Variants in GPRIN3 observed in about 807,000 individuals in gnomAD.
GPRIN3 encodes G protein-regulated inducer of neurite outgrowth 3.
GPRIN3 carries 12 observed loss-of-function variants against 13.7 expected under a neutral mutation model. The ratio of observed to expected loss-of-function variants is 0.87; its 90% CI spans 0.56 to 1.42. GPRIN3 has a LOEUF of 1.42. Ranked by LOEUF, GPRIN3 falls within the 40% of genes most tolerant of loss-of-function variation. The pLI is 0.00. For synonymous variants in GPRIN3, 377 were observed against 372.7 expected (o/e 1.01, Z -0.13); for missense variants, 1,009 against 958.7 (o/e 1.05, Z -0.69).
intron 1 of GPRIN3, among the ~76,000 whole-genome samples, chr4:89,279,544 C>T (rs1724187363): frequency 6.6e-6 from 1 of 152,238 alleles, no homozygotes; most frequent in Non-Finnish European, 1.5e-5. Flanking sequence ...CACAGTCACT[C>T]CCAAATCTAC....
rs544629845 is a variant in GPRIN3 at position 89,306,532 on chromosome 4, A to G, written c.-124+1083T>C. Among the ~76,000 whole-genome samples, 82 of 152,306 alleles carry G rather than the reference A, an allele frequency of 5.4e-4. 1 individual carries two copies. The highest frequency in any genetic ancestry group is 1.8e-3 in the African/African-American group (75 of 41,558). ...CAAAAACAAAATAAAAACATAGTCC[A>G]ATGGATCTTTAAACAAATGTGTTGT... On this transcript the variant is annotated intron_variant, in intron 1 of 1. Transcript: ENST00000609438.
chr4:89,295,256 G>A (rs564331648), intron 1 of GPRIN3, among the ~76,000 whole-genome samples: 3 of 152,150 alleles, frequency 2.0e-5, no homozygotes, highest in South Asian at 2.1e-4. Context: ...AATTTGTAAC[G>A]TGAGCCTTGA....
chr4:89,267,044 A>G (rs1009444493), intron 1 of GPRIN3, among the ~76,000 whole-genome samples: 1 of 152,196 alleles, frequency 6.6e-6, no homozygotes, highest in African/African-American at 2.4e-5. Context: ...TGGTTACCAT[A>G]GGGTGGGGTT....
At chr4:89,304,533 T>C (rs1363392600) in intron 1 of GPRIN3, among the ~76,000 whole-genome samples, 4 of 152,214 alleles carry the variant, frequency 2.6e-5, no homozygotes, top group Non-Finnish European at 4.4e-5. Context: ...CACAGTGTGC[T>C]AGTTTGAAAA....
chr4:89,242,134 T>G lies in GPRIN3; in HGVS notation c.*5646A>C, dbSNP rs551435399. 2 of 152,236 alleles carry G rather than the reference T, an allele frequency of 1.3e-5. No homozygotes were observed. The highest frequency in any genetic ancestry group is 2.9e-5 in the Non-Finnish European group (2 of 68,028). The allele number at this position is 152,236 out of a possible 1,614,324, so 9.4% of individuals were successfully genotyped here. A position where few individuals can be genotyped will look rare whatever the true frequency, so the allele number is the denominator to read the frequency against. On this transcript the variant is annotated 3_prime_UTR_variant, in exon 2 of 2. Transcript: ENST00000609438. Reference sequence around the variant, plus strand: ...ATCATCAATATCCTTTTCTAAAGTGTAAAATATGTGATTTTTATTCCTACT... The same window carrying G: ...ATCATCAATATCCTTTTCTAAAGTGGAAAATATGTGATTTTTATTCCTACT...
chr4:89,260,947 T>C (rs1388979783), intron 1 of GPRIN3, among the ~76,000 whole-genome samples: 1 of 152,216 alleles, frequency 6.6e-6, no homozygotes. Context: ...GACACACTTA[T>C]GTCTCTGAGG....
chr4:89,254,765 T>C (rs1163562759), intron 1 of GPRIN3, among the ~76,000 whole-genome samples: 1 of 152,198 alleles, frequency 6.6e-6, no homozygotes, highest in Non-Finnish European at 1.5e-5. Flanking sequence ...CTGGGTTGAA[T>C]GGTAGTTCTG....
Position 89,240,374 on chromosome 4 carries a change from C to A in GPRIN3, c.*7406G>T, listed in dbSNP as rs910926933. 6.6e-6 allele frequency: 1 copy of A among 152,098 alleles called. No homozygotes were observed. Among genetic ancestry groups the A allele is most frequent in the Non-Finnish European group, 1.5e-5 (1 of 68,012 alleles). 9.4% of individuals were successfully genotyped at this position (152,098 alleles called of 1,614,324 possible). On this transcript the variant is annotated 3_prime_UTR_variant, in exon 2 of 2. Transcript: ENST00000609438. ...AATTTTTTTTCATTTAAATCTTTGA[C>A]TTCTCTTCGGTGTTGGTAGGCATAG...
intron 1 of GPRIN3, among the ~76,000 whole-genome samples, chr4:89,286,852 C>A (rs1176596577): frequency 6.6e-6 from 1 of 152,082 alleles, no homozygotes; most frequent in Non-Finnish European, 1.5e-5. Context: ...CCAGCTGGAC[C>A]CAGTGGTATG....
rs1049515668 is a variant in GPRIN3 at position 89,249,973 on chromosome 4, G to A, written c.138C>T (p.Gly46=). 3.1e-6 allele frequency: 5 copies of A among 1,614,132 alleles called. No individual in the cohort carries two copies. Among genetic ancestry groups the A allele is most frequent in the African/African-American group, 1.3e-5 (1 of 74,956 alleles). ...CTGGTTCTGCAGGGGCACCTGAAAA[G>A]CCATTGGCATTCTTACACAGGAGAG... is the stretch of plus-strand genomic sequence containing the variant. ...RPALLCKNAN[G]FSGAPAEPDL... is the part of the protein sequence containing the mutation. The change falls in exon 2 of 2, where the codon GGC becomes GGT. Residue 46 remains glycine (G), a synonymous_variant. Transcript: ENST00000609438.
Position 89,249,862 on chromosome 4 carries a change from C to T in GPRIN3, c.249G>A (p.Val83=), listed in dbSNP as rs1723271222. 6.2e-7 allele frequency: 1 copy of T among 1,614,190 alleles called. No homozygotes were observed. Among genetic ancestry groups the T allele is most frequent in the East Asian group, 2.2e-5 (1 of 44,884 alleles). The stretch of plus-strand genomic sequence containing the variant: ...CAGGTGCTTTCTGCACTTCATTGAA[C>T]ACACCAGGAGAAGACATATCTGGTT... ...TTQPDMSSPG[V]FNEVQKAPAT... Residue 83 remains valine, a synonymous_variant, in exon 2 of 2, where the codon GTG becomes GTA. Coordinates refer to ENST00000609438, the MANE Select transcript of GPRIN3 (RefSeq NM_198281.3).
intron 1 of GPRIN3, among the ~76,000 whole-genome samples, chr4:89,264,838 A>G (rs1723739979): frequency 6.6e-6 from 1 of 152,140 alleles, no homozygotes; most frequent in Non-Finnish European, 1.5e-5. Flanking sequence ...CACCTAAAAT[A>G]CCAAAACATT....
intron 1 of GPRIN3, among the ~76,000 whole-genome samples, chr4:89,255,231 T>C (rs1723435090): frequency 2.0e-5 from 3 of 152,172 alleles, no homozygotes; most frequent in Non-Finnish European, 4.4e-5. Flanking sequence ...CTTGGGCAAG[T>C]AACTCAACCT....
In GPRIN3 at chr4:89,248,759, G is replaced by A; in HGVS notation, c.1352C>T (p.Thr451Ile). The part of the protein sequence containing the change: ...AGMTPVREES[T>I]AKKLAGTNSS... ...ATTAGTACCTGCGAGCTTTTTAGCA[G>A]TTGACTCTTCCCTCACTGGAGTCAT... The change falls in exon 2 of 2, where the codon ACT becomes ATT. Residue 451 changes from threonine (T) to isoleucine (I), a missense_variant. Physicochemically the swap from Thr to Ile is moderately conservative, Grantham distance 89. Transcript: ENST00000609438. The A allele has an allele frequency of 5.6e-6, 9 of 1,614,170 alleles. No individual in the cohort carries two copies. The highest frequency in any genetic ancestry group is 1.3e-5 in the African/African-American group (1 of 75,034).
intron 1 of GPRIN3, among the ~76,000 whole-genome samples, chr4:89,280,985 G>C (rs1463296548): frequency 1.3e-5 from 2 of 152,128 alleles, no homozygotes; most frequent in Admixed American, 1.3e-4. Flanking sequence ...AGGCTTTATG[G>C]GAAGCGTGGT....
rs565013581 is a variant in GPRIN3, at chr4:89,249,173, G to A, written c.938C>T (p.Pro313Leu). Residue 313 changes from proline to leucine, a missense_variant, in exon 2 of 2, where the codon CCC (proline) becomes CTC (leucine). Transcript: ENST00000609438. Reference protein sequence around the residue: ...NQAESEIKEVPSRAWQDAEVQ... With the variant: ...NQAESEIKEVLSRAWQDAEVQ... Reference sequence around the variant, plus strand: ...CTCCGCATCTTGCCAAGCCCTGCTGGGAACTTCCTTGATTTCACTTTCAGC... The same window carrying A: ...CTCCGCATCTTGCCAAGCCCTGCTGAGAACTTCCTTGATTTCACTTTCAGC... 264 of 1,614,176 alleles carry A rather than the reference G, an allele frequency of 1.6e-4. 2 individuals are homozygous for A. The South Asian group carries it at 2.6e-3, about 16-fold the overall frequency.
chr4:89,294,011 C>T (rs1286920787), intron 1 of GPRIN3, among the ~76,000 whole-genome samples: 2 of 152,108 alleles, frequency 1.3e-5, no homozygotes, highest in Non-Finnish European at 2.9e-5. Flanking sequence ...ATTTTATTCT[C>T]CCTTGTTTTG....
chr4:89,255,515 G>T (rs1169468495), intron 1 of GPRIN3, among the ~76,000 whole-genome samples: 1 of 152,156 alleles, frequency 6.6e-6, no homozygotes, highest in Non-Finnish European at 1.5e-5. Context: ...GAGAGATGGG[G>T]CTCAAATTCA....
chr4:89,289,047 C>T (rs1008583838), intron 1 of GPRIN3, among the ~76,000 whole-genome samples: 1 of 151,692 alleles, frequency 6.6e-6, no homozygotes, highest in South Asian at 2.1e-4. Context: ...CCCTTTGTAG[C>T]CTTAGATCAA....
Sources: gnomAD v4.1 joint callset for allele counts (sites outside exome capture counted in the v4.1 genomes callset) on GRCh38, gnomAD v4.1.1 for gene constraint, MANE v1.5 for transcripts, NCBI Gene and HGNC (gene_info 2026-07-23, HGNC 2026-07-21) for gene names.